VPS13A: variants seen among roughly 807,000 people sequenced by gnomAD.
VPS13A encodes the protein intermembrane lipid transfer protein VPS13A.
VPS13A carries 264 observed loss-of-function variants against 390.9 expected under a neutral mutation model. The observed-to-expected ratio is 0.68, with a 90% CI of 0.61 to 0.75. VPS13A has a LOEUF of 0.75. Ranked by LOEUF, VPS13A falls within the 30% of genes least tolerant of loss-of-function variation. The pLI, the probability that VPS13A is intolerant of heterozygous loss-of-function variation, is 0.00. For missense variants in VPS13A, 3,409 were observed against 3,733.9 expected, an observed-to-expected ratio of 0.91 and a Z score of 2.27; for synonymous variants, 1,231 against 1,227.1, an observed-to-expected ratio of 1.00 and a Z score of -0.07.
At chr9:77,351,274 G>A (rs1321179084) in intron 52 of VPS13A, 43 bp from the exon 53 acceptor site, 3 of 1,606,254 alleles carry the variant, frequency 1.9e-6, no homozygotes, top group African/African-American at 1.3e-5. Flanking sequence ...ATCTCTTCGT[G>A]TACTTGCATT....
intron 43 of VPS13A, 64 bp downstream of exon 43, chr9:77,321,391 TAAG>T: frequency 1.3e-6 from 2 of 1,579,450 alleles, no homozygotes; most frequent in East Asian, 2.2e-5. Flanking sequence ...GTCTGTTGAA[TAAG>T]AAGTTTAATA....
Position 77,337,491 on chromosome 9 carries a change from T to G in VPS13A, c.6332T>G (p.Ile2111Ser), listed in dbSNP as rs1188586946. The G allele has an allele frequency of 6.2e-7, 1 of 1,613,292 alleles. No individual in the cohort carries two copies. Among genetic ancestry groups the G allele is most frequent in the Non-Finnish European group, 8.5e-7 (1 of 1,179,672 alleles). ...TACATAATGCATTTGTGGCCACCTA[T>G]CCTGCTCCGAAATCTTCTTCCTTAC... ...LPYIMHLWPP[I>S]LLRNLLPYKI... Residue 2111 changes from isoleucine to serine, a missense_variant, in exon 47 of 72, where the codon ATC (isoleucine) becomes AGC (serine). Around this residue, in one of 5 missense-constraint regions of VPS13A, gnomAD observed 2,717 missense variants for 2,917.4 expected, o/e 0.93. Coordinates refer to ENST00000360280, the MANE Select transcript of VPS13A (RefSeq NM_033305.3).
chr9:77,196,714 T>C (rs987770698), intron 1 of VPS13A, among the ~76,000 whole-genome samples: 1 of 152,016 alleles, frequency 6.6e-6, no homozygotes, highest in African/African-American at 2.4e-5. Context: ...TCACTGTGTA[T>C]ATATATACCA....
At chr9:77,247,483 T>A in intron 20 of VPS13A, 88 bp downstream of exon 20, 1 of 1,355,002 alleles carries the variant, frequency 7.4e-7, no homozygotes, top group Non-Finnish European at 1.0e-6. Flanking sequence ...CAGTTTGATT[T>A]ATTGCTTTTT....
intron 39 of VPS13A, 57 bp from the exon 40 acceptor site, chr9:77,317,549 A>G: frequency 7.5e-7 from 1 of 1,328,716 alleles, no homozygotes; most frequent in Non-Finnish European, 1.0e-6. Flanking sequence ...AAGTCTTTAA[A>G]TAGAAATATT....
intron 67 of VPS13A, among the ~76,000 whole-genome samples, chr9:77,371,455 A>G (rs1461035633): frequency 3.9e-5 from 6 of 152,116 alleles, no homozygotes; most frequent in African/African-American, 1.4e-4. Context: ...ACCCTTTTAT[A>G]AGGAACCCAC....
chr9:77,280,309 G>A (rs1317867431), intron 27 of VPS13A, 71 bp downstream of exon 27: 8 of 1,274,502 alleles, frequency 6.3e-6, no homozygotes, highest in South Asian at 3.6e-5. Flanking sequence ...TGTAAGTTTG[G>A]TATTATTCAG....
rs781242821 is a variant in VPS13A, at chr9:77,332,075, AC to A, written c.6059del (p.Pro2020LeufsTer9). The A allele has an allele frequency of 2.2e-5, 36 of 1,612,144 alleles. No individual in the cohort carries two copies. Among genetic ancestry groups the A allele is most frequent in the Non-Finnish European group, 5.1e-6 (6 of 1,178,742 alleles). On this transcript the variant is annotated frameshift_variant, in exon 46 of 72. Transcript: ENST00000360280. LOFTEE classifies it high-confidence loss of function. The part of the protein sequence containing the change: ...EGDTLLGTAS[P>X]ENEFNIPLGS... ...GGGATACCTTATTGGGAACTGCCTC[AC>A]CTGAAAATGAATTCAACATACCATT...
intron 64 of VPS13A, 27 bp from the exon 65 acceptor site, chr9:77,370,388 A>G (rs1363500821): frequency 1.2e-6 from 2 of 1,614,170 alleles, no homozygotes; most frequent in Admixed American, 1.7e-5. Context: ...TGGCATCATT[A>G]CTTTTACTAA....
Position 77,368,078 on chromosome 9 carries a change from A to G in VPS13A, c.8495A>G (p.Tyr2832Cys), listed in dbSNP as rs764756308. Reference sequence around the variant, plus strand: ...AGGCTTGCATTTTTTGAACTCAACTATCAGTTCCATACAACATCCGATCTA... The same window carrying G: ...AGGCTTGCATTTTTTGAACTCAACTGTCAGTTCCATACAACATCCGATCTA... ...VFKLAFFELN[Y>C]QFHTTSDLQS... Residue 2832 changes from tyrosine to cysteine, a missense_variant, in exon 62 of 72, where the codon TAT (tyrosine) becomes TGT (cysteine). Physicochemically the swap from Tyr to Cys is radical, Grantham distance 194. Around this residue, in one of 5 missense-constraint regions of VPS13A, gnomAD observed 123 missense variants for 118.7 expected, o/e 1.04. Transcript: ENST00000360280. The G allele has an allele frequency of 6.2e-6, 10 of 1,612,456 alleles. No homozygotes were observed. The highest frequency in any genetic ancestry group is 3.3e-5 in the South Asian group (3 of 90,896).
chr9:77,297,292 A>G (rs539050644), intron 33 of VPS13A, among the ~76,000 whole-genome samples: 2 of 152,160 alleles, frequency 1.3e-5, no homozygotes, highest in Admixed American at 6.6e-5. Flanking sequence ...AAGTTACTCT[A>G]TAAGTCTGTG....
chr9:77,251,995 T>C (rs1239719315), intron 21 of VPS13A, among the ~76,000 whole-genome samples: 1 of 152,168 alleles, frequency 6.6e-6, no homozygotes, highest in Non-Finnish European at 1.5e-5. Flanking sequence ...TTTTGCATTA[T>C]TGCTTTACTG....
At chr9:77,369,273 G>A in intron 62 of VPS13A, 26 bp from the exon 63 acceptor site, 1 of 1,502,828 alleles carries the variant, frequency 6.7e-7, no homozygotes, top group Non-Finnish European at 9.3e-7. Flanking sequence ...TATCTGAATT[G>A]ATTAATGTTC....
intron 68 of VPS13A, chr9:77,385,340 T>C: frequency 2.9e-6 from 1 of 345,650 alleles, no homozygotes; most frequent in Non-Finnish European, 4.1e-6. Context: ...TTTGCTTTAC[T>C]TTTTACCGTT....
intron 1 of VPS13A, among the ~76,000 whole-genome samples, chr9:77,190,776 C>T (rs2131074102): frequency 6.6e-6 from 1 of 152,250 alleles, no homozygotes; most frequent in East Asian, 1.9e-4. Flanking sequence ...TTGAGGTATT[C>T]AGTTTCTTCC....
intron 23 of VPS13A, among the ~76,000 whole-genome samples, chr9:77,267,411 ACAGT>A (rs1826096721): frequency 6.6e-6 from 1 of 152,052 alleles, no homozygotes; most frequent in Non-Finnish European, 1.5e-5. Context: ...TTTCCTTCTA[ACAGT>A]CAGACCCCTT....
chr9:77,307,279 T>A (rs1828812079), intron 34 of VPS13A, among the ~76,000 whole-genome samples: 2 of 152,168 alleles, frequency 1.3e-5, no homozygotes. Context: ...AGCTTCAGTG[T>A]CTTATAAATA....
chr9:77,233,817 T>C (rs1371093637), intron 17 of VPS13A, among the ~76,000 whole-genome samples: 1 of 152,226 alleles, frequency 6.6e-6, no homozygotes, highest in East Asian at 1.9e-4. Flanking sequence ...TGGTCTATCC[T>C]GGAGAATGTT....
chr9:77,364,233 C>T (rs1346728702), intron 59 of VPS13A, among the ~76,000 whole-genome samples: 1 of 152,020 alleles, frequency 6.6e-6, no homozygotes, highest in East Asian at 1.9e-4. Context: ...CGAGACCACC[C>T]TGGCAACATA....
Sources: gnomAD v4.1 joint callset for allele counts (sites outside exome capture counted in the v4.1 genomes callset) on GRCh38, gnomAD v4.1.1 for gene constraint, gnomAD v4.1.1 regional missense constraint, MANE v1.5 for transcripts, NCBI Gene and HGNC (gene_info 2026-07-23, HGNC 2026-07-21) for gene names.